Variants in LAMA3 observed in about 807,000 individuals in gnomAD.
LAMA3 encodes the protein laminin subunit alpha-3.
Under a neutral mutation model 402.0 loss-of-function variants are expected in LAMA3, and 281 were observed. The ratio of observed to expected loss-of-function variants is 0.70; its 90% CI spans 0.63 to 0.77. The LOEUF is 0.77. Among genes scored for constraint, LAMA3 ranks in the 30% least tolerant of loss-of-function variants. LAMA3 has a pLI of 0.00. For missense variants in LAMA3, 3,840 were observed against 4,215.5 expected, an observed-to-expected ratio of 0.91 and a Z score of 2.47; for synonymous variants, 1,431 against 1,558.4, an observed-to-expected ratio of 0.92 and a Z score of 1.93.
chr18:23,833,692 CA>C, intron 23 of LAMA3, 135 bp from the exon 24 acceptor site: 1 of 907,264 alleles, frequency 1.1e-6, no homozygotes, highest in Non-Finnish European at 1.8e-6. Flanking sequence ...CCTGTAGGAC[CA>C]TATTCCTTAC....
intron 20 of LAMA3, 68 bp downstream of exon 20, chr18:23,822,443 G>T: frequency 6.6e-7 from 1 of 1,524,428 alleles, no homozygotes; most frequent in South Asian, 1.1e-5. Flanking sequence ...CACTTTCTCT[G>T]ATTTTCACAA....
chr18:23,783,702 T>C (rs796858487), intron 11 of LAMA3, among the ~76,000 whole-genome samples: 10 of 152,316 alleles, frequency 6.6e-5, no homozygotes, highest in African/African-American at 2.4e-4. Context: ...TGTCATGAGA[T>C]GGGAATCTAT....
chr18:23,848,974 G>C (rs1435301176), intron 32 of LAMA3, among the ~76,000 whole-genome samples: 2 of 152,124 alleles, frequency 1.3e-5, no homozygotes, highest in Admixed American at 1.3e-4. Flanking sequence ...CTGTCTTCCT[G>C]TGGCGTTTCC....
chr18:23,791,050 G>A (rs974146516), intron 12 of LAMA3, among the ~76,000 whole-genome samples: 17 of 151,988 alleles, frequency 1.1e-4, no homozygotes, highest in Non-Finnish European at 2.2e-4. Flanking sequence ...CACTGCGCCC[G>A]GCTAATTTTT....
chr18:23,807,332 C>A (rs1303814297), intron 12 of LAMA3, among the ~76,000 whole-genome samples: 2 of 152,148 alleles, frequency 1.3e-5, no homozygotes, highest in Non-Finnish European at 2.9e-5. Flanking sequence ...TTAAAAAATT[C>A]TGGTCCTCTA....
At chr18:23,940,380 C>T (rs895098256) in intron 68 of LAMA3, among the ~76,000 whole-genome samples, 10 of 152,216 alleles carry the variant, frequency 6.6e-5, no homozygotes, top group South Asian at 6.2e-4. Context: ...CTAATACCCC[C>T]GAGTGTCACT....
intron 8 of LAMA3, among the ~76,000 whole-genome samples, chr18:23,771,527 A>C (rs2062198125): frequency 6.6e-6 from 1 of 152,222 alleles, no homozygotes; most frequent in Non-Finnish European, 1.5e-5. Context: ...GTGGATGTAC[A>C]ATTAATAGTT....
At chr18:23,791,974 A>G (rs187674660) in intron 12 of LAMA3, among the ~76,000 whole-genome samples, 7 of 152,334 alleles carry the variant, frequency 4.6e-5, no homozygotes, top group Non-Finnish European at 8.8e-5. Context: ...AATGATATAT[A>G]CAAAATTCCA....
intron 12 of LAMA3, among the ~76,000 whole-genome samples, chr18:23,787,553 A>G (rs1380337293): frequency 2.0e-5 from 3 of 152,228 alleles, no homozygotes; most frequent in Admixed American, 1.3e-4. Flanking sequence ...AGACAAAGAC[A>G]AAGAGAAAAT....
chr18:23,811,246 G>A (rs2063063355), intron 13 of LAMA3, among the ~76,000 whole-genome samples: 1 of 152,158 alleles, frequency 6.6e-6, no homozygotes, highest in South Asian at 2.1e-4. Context: ...TGCAGCCAGA[G>A]AGCAGACCAG....
At position 23,689,801 on chromosome 18, in the gene LAMA3, G is replaced by A. The variant is rs1283547413; in HGVS notation, c.118G>A (p.Gly40Arg). ...CTGCGGGGCGACCGCTCGGGATCCC[G>A]GGGCCGCGGCCGGGCTCAGCCTTCA... ...PACGATARDPGAAAGLSLHPT... is the reference protein window; with the variant it reads ...PACGATARDPRAAAGLSLHPT... Residue 40 changes from glycine (G) to arginine (R), a missense_variant, in exon 1 of 75, where the codon GGG becomes AGG. By Grantham distance (125) the Gly-to-Arg change is moderately radical. This residue lies in a region of LAMA3 where 2,109 missense variants were observed against 2,376.0 expected (regional missense o/e 0.89). Coordinates refer to ENST00000313654, the MANE Select transcript of LAMA3 (RefSeq NM_198129.4). 1.3e-6 allele frequency: 2 copies of A among 1,536,460 alleles called. No individual in the cohort carries two copies. The highest frequency in any genetic ancestry group is 1.4e-5 in the African/African-American group (1 of 70,676).
rs141936786 is a variant in LAMA3 at position 23,821,570 on chromosome 18, T to C, written c.2305-682T>C. Among the ~76,000 whole-genome samples the C allele has an allele frequency of 2.6e-3, 398 of 152,340 alleles. 2 individuals are homozygous for C. The highest frequency in any genetic ancestry group is 9.2e-3 in the African/African-American group (381 of 41,576). On this transcript the variant is annotated intron_variant, in intron 19 of 74. Transcript: ENST00000313654. ...GTGGTTCAGAATTAAAATAGTCTAC[T>C]CTTTCCTTCAAGGGTCCAGGCTCCA... is the stretch of plus-strand genomic sequence containing the variant.
At chr18:23,936,516 C>T (rs543687686) in intron 67 of LAMA3, among the ~76,000 whole-genome samples, 1 of 151,938 alleles carries the variant, frequency 6.6e-6, no homozygotes, top group African/African-American at 2.4e-5. Context: ...TGGGGATCTC[C>T]ATCAGTTAAA....
chr18:23,694,276 T>C (rs2060645235), intron 1 of LAMA3, among the ~76,000 whole-genome samples: 1 of 152,198 alleles, frequency 6.6e-6, no homozygotes, highest in African/African-American at 2.4e-5. Context: ...AGGTGGGAAA[T>C]AGAAGTGAGT....
intron 44 of LAMA3, among the ~76,000 whole-genome samples, chr18:23,896,592 A>T (rs1041540923): frequency 1.3e-5 from 2 of 152,144 alleles, no homozygotes. Flanking sequence ...CCTAAGAAGT[A>T]ATAGAACCTA....
In LAMA3 at chr18:23,951,670, C is replaced by A; in HGVS notation, c.9643-14C>A. The A allele has an allele frequency of 6.2e-7, 1 of 1,608,356 alleles. No individual in the cohort carries two copies. Among genetic ancestry groups the A allele is most frequent in the Non-Finnish European group, 8.5e-7 (1 of 1,175,078 alleles). On this transcript the variant is annotated splice_polypyrimidine_tract_variant and intron_variant, in intron 72 of 74. Coordinates refer to ENST00000313654, the MANE Select transcript of LAMA3 (RefSeq NM_198129.4). ...CCTTCCTGAAGGAAATAGGAAAATGCATGTGTGTTCCAGGTCACGGCCTCT... is the reference window on the plus strand; with the variant it reads ...CCTTCCTGAAGGAAATAGGAAAATGAATGTGTGTTCCAGGTCACGGCCTCT...
chr18:23,787,071 A>C (rs889564607), intron 12 of LAMA3, among the ~76,000 whole-genome samples: 1 of 152,138 alleles, frequency 6.6e-6, no homozygotes, highest in African/African-American at 2.4e-5. Context: ...CACTTGAAGT[A>C]AGGAGTTTGA....
intron 18 of LAMA3, 107 bp downstream of exon 18, chr18:23,816,594 G>A (rs559126761): frequency 5.7e-6 from 5 of 879,280 alleles, no homozygotes; most frequent in Admixed American, 4.0e-5. Context: ...CCTAAAGATC[G>A]AGGTCAGGGG....
At chr18:23,791,964 A>T (rs1040310962) in intron 12 of LAMA3, among the ~76,000 whole-genome samples, 6 of 152,210 alleles carry the variant, frequency 3.9e-5, no homozygotes, top group African/African-American at 1.2e-4. Context: ...GTCCCTGAAC[A>T]ATGATATATA....
Sources: gnomAD v4.1 joint callset for allele counts (sites outside exome capture counted in the v4.1 genomes callset) on GRCh38, gnomAD v4.1.1 for gene constraint, gnomAD v4.1.1 regional missense constraint, MANE v1.5 for transcripts, NCBI Gene and HGNC (gene_info 2026-07-23, HGNC 2026-07-21) for gene names.